The following PAPOLG variants were observed in gnomAD, a reference collection of about 807,000 sequenced individuals.
PAPOLG encodes the protein PAP-gamma.
A neutral mutation model predicts 99.0 loss-of-function variants in PAPOLG; 40 were observed. The observed-to-expected ratio is 0.40, with a 90% CI of 0.31 to 0.53. The LOEUF (loss-of-function observed/expected upper bound fraction) is 0.53, where lower values mean the gene tolerates loss of function less well. Among genes scored for constraint, PAPOLG ranks in the 20% least tolerant of loss-of-function variants. The probability of loss-of-function intolerance (pLI) is 0.41; values close to 1 mark genes in which losing one functional copy is unlikely to be tolerated. For missense variants in PAPOLG, 675 were observed against 884.1 expected (o/e 0.76, Z 3.00); for synonymous variants, 310 against 299.3 (o/e 1.04, Z -0.37).
intron 15 of PAPOLG, among the ~76,000 whole-genome samples, chr2:60,790,471 A>T (rs1671497583): frequency 6.6e-6 from 1 of 152,172 alleles, no homozygotes; most frequent in East Asian, 1.9e-4. Context: ...ACATTAAGAA[A>T]TTTGTGTGGT....
rs1205014514 is a variant in PAPOLG at position 60,769,697 on chromosome 2, T to TGA, written c.439-761_439-760insGA. On this transcript the variant is annotated intron_variant, in intron 5 of 21. Transcript: ENST00000238714. ...AGTAGCCTTTCTAAATAATCAGTTT[T>TGA]CAGTTTAGACTCGAAATTATAAGTA... 4.3e-4 allele frequency among the ~76,000 whole-genome samples: 66 copies of TGA among 152,194 alleles called. 1 individual carries two copies. Among genetic ancestry groups the TGA allele is most frequent in the Admixed American group, 4.3e-3 (66 of 15,272 alleles).
At chr2:60,759,765 G>T (rs1454386588) in intron 1 of PAPOLG, among the ~76,000 whole-genome samples, 1 of 152,110 alleles carries the variant, frequency 6.6e-6, no homozygotes, top group Non-Finnish European at 1.5e-5. Context: ...GCTTTTCAAA[G>T]ATTCTAGAAT....
chr2:60,797,421 G>A lies in PAPOLG; in HGVS notation c.*261G>A, dbSNP rs1671744808. 2 of 422,016 alleles carry A rather than the reference G, an allele frequency of 4.7e-6. No homozygotes were observed. Among genetic ancestry groups the A allele is most frequent in the Admixed American group, 8.1e-5 (2 of 24,778 alleles). 26.1% of individuals were successfully genotyped at this position (422,016 alleles called of 1,614,324 possible). A position where few individuals can be genotyped will look rare whatever the true frequency, so the allele number is the denominator to read the frequency against. On this transcript the variant is annotated 3_prime_UTR_variant, in exon 22 of 22. Transcript: ENST00000238714. ...TCTACAGTATTACAGCTTTGCATTT[G>A]GGGGTTTTACTGCCTTAACTTTCAA... is the stretch of plus-strand genomic sequence containing the variant.
chr2:60,793,778 G>A (rs927974665), intron 18 of PAPOLG, 63 bp downstream of exon 18: 45 of 1,536,188 alleles, frequency 2.9e-5, no homozygotes, highest in Non-Finnish European at 3.8e-5. Context: ...AGGCATGGTG[G>A]CACACGCCTG....
Position 60,798,390 on chromosome 2 carries a change from T to C in PAPOLG, c.*1230T>C, listed in dbSNP as rs1671772585. 6.5e-6 allele frequency: 1 copy of C among 152,826 alleles called. No homozygotes were observed. Among genetic ancestry groups the C allele is most frequent in the Non-Finnish European group, 1.5e-5 (1 of 68,040 alleles). The allele number at this position is 152,826 out of a possible 1,614,324, so 9.5% of individuals were successfully genotyped here. On this transcript the variant is annotated 3_prime_UTR_variant, in exon 22 of 22. Coordinates refer to ENST00000238714, the MANE Select transcript of PAPOLG (RefSeq NM_022894.4). The stretch of plus-strand genomic sequence containing the variant: ...ATATGTTGATTCAGTGTTTTGTAAA[T>C]GAAGTCGTATGTATTTTCAGAGTAT...
At chr2:60,795,247 A>G (rs1218597414) in intron 21 of PAPOLG, 1 of 512,810 alleles carries the variant, frequency 2.0e-6, no homozygotes, top group Non-Finnish European at 3.6e-6. Context: ...CAACTTTATT[A>G]TCTATTTAGA....
chr2:60,779,506 C>T lies in PAPOLG; in HGVS notation c.695-131C>T, dbSNP rs1049429643. 4.7e-6 allele frequency: 5 copies of T among 1,065,190 alleles called. No individual in the cohort carries two copies. The African/African-American group carries it at 6.4e-5, about 14-fold the overall frequency. The allele number at this position is 1,065,190 out of a possible 1,614,324, so 66.0% of individuals were successfully genotyped here. ...TTGTTTATAGGGGAAAATTTCCAAC[C>T]AACCGTCTTATGAATAAAGTTACCT... On this transcript the variant is annotated intron_variant, in intron 8 of 21. Transcript: ENST00000238714.
chr2:60,793,780 A>G, intron 18 of PAPOLG, 65 bp downstream of exon 18: 9 of 1,532,414 alleles, frequency 5.9e-6, no homozygotes, highest in Non-Finnish European at 7.9e-6. Flanking sequence ...GCATGGTGGC[A>G]CACGCCTGTA....
chr2:60,756,520 G>T, intron 1 of PAPOLG, 25 bp downstream of exon 1: 1 of 1,590,162 alleles, frequency 6.3e-7, no homozygotes, highest in Non-Finnish European at 8.6e-7. Context: ...GCGGCGGTTG[G>T]GGTGAGGCGG....
At chr2:60,792,676 C>T (rs533605640) in intron 17 of PAPOLG, among the ~76,000 whole-genome samples, 81 of 152,268 alleles carry the variant, frequency 5.3e-4, no homozygotes, top group African/African-American at 1.8e-3. Context: ...AGGCGAACTG[C>T]TGGAGCCCAG....
At chr2:60,780,878 T>C (rs1003522437) in intron 10 of PAPOLG, 99 bp downstream of exon 10, 7 of 976,160 alleles carry the variant, frequency 7.2e-6, no homozygotes, top group Non-Finnish European at 1.1e-5. Flanking sequence ...GTCTCTGTTC[T>C]TCCTTCTATA....
Position 60,791,780 on chromosome 2 carries a change from T to C in PAPOLG, c.1416T>C (p.Asn472=). 1 of 1,612,740 alleles carries C rather than the reference T, an allele frequency of 6.2e-7. No homozygotes were observed. The highest frequency in any genetic ancestry group is 2.2e-5 in the East Asian group (1 of 44,856). ...FTDTVYRQAN[N]INMLKEGMKI... ...TTACAGTGTACAGACAGGCAAACAA[T>C]ATAAATATGCTAAAGGAGGGAATGA... Residue 472 remains asparagine, a synonymous_variant, in exon 16 of 22, where the codon AAT becomes AAC. Transcript: ENST00000238714.
rs1573265647 is a variant in PAPOLG at position 60,798,662 on chromosome 2, G to A, written c.*1502G>A. 4 of 152,434 alleles carry A rather than the reference G, an allele frequency of 2.6e-5. No homozygotes were observed. The South Asian group carries it at 8.3e-4, about 32-fold the overall frequency. The allele number at this position is 152,434 out of a possible 1,614,324, so 9.4% of individuals were successfully genotyped here. On this transcript the variant is annotated 3_prime_UTR_variant, in exon 22 of 22. Coordinates refer to ENST00000238714, the MANE Select transcript of PAPOLG (RefSeq NM_022894.4). Reference sequence around the variant, plus strand: ...GAGTAGTGTGGGGAAGACACCTCGTGTATTATAGGACTCACGGGATGCCAT... The same window carrying A: ...GAGTAGTGTGGGGAAGACACCTCGTATATTATAGGACTCACGGGATGCCAT...
intron 15 of PAPOLG, 181 bp from the exon 16 acceptor site, chr2:60,791,580 A>T (rs1482447568): frequency 1.8e-6 from 1 of 560,416 alleles, no homozygotes; most frequent in Non-Finnish European, 2.9e-6. Context: ...TGGATTCATG[A>T]ATAGGATTGT....
chr2:60,789,532 G>A (rs1353814619), intron 15 of PAPOLG, among the ~76,000 whole-genome samples: 3 of 151,930 alleles, frequency 2.0e-5, no homozygotes, highest in African/African-American at 7.3e-5. Flanking sequence ...CACCGCACCT[G>A]GCCAGACTTT....
rs111730908 is a variant in PAPOLG, at chr2:60,792,053, G to A, written c.1519-76G>A. 9.4e-6 allele frequency: 14 copies of A among 1,496,406 alleles called. 1 individual carries two copies. Among genetic ancestry groups the A allele is most frequent in the Non-Finnish European group, 6.3e-6 (7 of 1,112,444 alleles). 92.7% of individuals were successfully genotyped at this position (1,496,406 alleles called of 1,614,324 possible). ...TAATCACAAGAGATAATTTGCTTAAGTGACCTTCAGAATTGAAACCAGTCT... is the reference window on the plus strand; with the variant it reads ...TAATCACAAGAGATAATTTGCTTAAATGACCTTCAGAATTGAAACCAGTCT... On this transcript the variant is annotated intron_variant, in intron 16 of 21. Transcript: ENST00000238714.
intron 7 of PAPOLG, among the ~76,000 whole-genome samples, chr2:60,772,432 G>C: frequency 6.8e-6 from 1 of 147,282 alleles, no homozygotes; most frequent in East Asian, 2.0e-4. Context: ...AGGTGACAGA[G>C]TGAGACCCTG....
At position 60,801,919 on chromosome 2, in the gene PAPOLG, A is replaced by G. The variant is rs1050016662; in HGVS notation, c.*4759A>G. Reference sequence around the variant, plus strand: ...GATTAATGGTGCTACATCACTCTACAGTACTATGTAAAATGAATGGAGCTG... The same window carrying G: ...GATTAATGGTGCTACATCACTCTACGGTACTATGTAAAATGAATGGAGCTG... On this transcript the variant is annotated 3_prime_UTR_variant, in exon 22 of 22. Transcript: ENST00000238714. 2 of 152,378 alleles carry G rather than the reference A, an allele frequency of 1.3e-5. No homozygotes were observed. The highest frequency in any genetic ancestry group is 6.5e-5 in the Admixed American group (1 of 15,286). 9.4% of individuals were successfully genotyped at this position (152,378 alleles called of 1,614,324 possible). A position where few individuals can be genotyped will look rare whatever the true frequency, so the allele number is the denominator to read the frequency against.
rs1310210615 is a variant in PAPOLG, at chr2:60,799,569, A to T, written c.*2409A>T. ...AAAAAAGGAGAAAGTATGATCTGGGATTTTGTGTTATGATGAGAGGCACTA... is the reference window on the plus strand; with the variant it reads ...AAAAAAGGAGAAAGTATGATCTGGGTTTTTGTGTTATGATGAGAGGCACTA... On this transcript the variant is annotated 3_prime_UTR_variant, in exon 22 of 22. Coordinates refer to ENST00000238714, the MANE Select transcript of PAPOLG (RefSeq NM_022894.4). 1 of 151,824 alleles carries T rather than the reference A, an allele frequency of 6.6e-6. No individual in the cohort carries two copies. The highest frequency in any genetic ancestry group is 2.4e-5 in the African/African-American group (1 of 41,276). 9.4% of individuals were successfully genotyped at this position (151,824 alleles called of 1,614,324 possible). A position where few individuals can be genotyped will look rare whatever the true frequency, so the allele number is the denominator to read the frequency against.
Sources: gnomAD v4.1 joint callset for allele counts (sites outside exome capture counted in the v4.1 genomes callset) on GRCh38, gnomAD v4.1.1 for gene constraint, MANE v1.5 for transcripts, NCBI Gene and HGNC (gene_info 2026-07-23, HGNC 2026-07-21) for gene names.